The following MIOS variants were observed in gnomAD, a reference collection of about 807,000 sequenced individuals.
MIOS encodes meiosis regulator for oocyte development.
A neutral mutation model predicts 96.9 loss-of-function variants in MIOS; 52 were observed. The ratio of observed to expected loss-of-function variants is 0.54; its 90% confidence interval spans 0.43 to 0.68. The LOEUF is 0.68. Among genes scored for constraint, MIOS ranks in the 30% least tolerant of loss-of-function variants. The pLI, the probability that MIOS is intolerant of heterozygous loss-of-function variation, is 0.00. For missense variants in MIOS, 1,005 were observed against 1,052.8 expected (o/e 0.95, Z 0.63); for synonymous variants, 397 against 359.5 (o/e 1.10, Z -1.18).
chr7:7,592,052 C>T (rs995258437), intron 9 of MIOS, among the ~76,000 whole-genome samples: 51 of 151,562 alleles, frequency 3.4e-4, no homozygotes, highest in African/African-American at 1.2e-3. Flanking sequence ...ACAATATTGG[C>T]TCACTGCAAC....
chr7:7,594,050 A>G (rs1784131317), intron 9 of MIOS, among the ~76,000 whole-genome samples: 1 of 152,156 alleles, frequency 6.6e-6, no homozygotes, highest in South Asian at 2.1e-4. Flanking sequence ...AACTAAAACA[A>G]GGTGTTGCTT....
chr7:7,579,808 A>C (rs1783653167), intron 5 of MIOS, among the ~76,000 whole-genome samples: 1 of 152,196 alleles, frequency 6.6e-6, no homozygotes, highest in South Asian at 2.1e-4. Context: ...CCAGGTGTGT[A>C]GTGGGCTATG....
intron 8 of MIOS, 45 bp from the exon 9 acceptor site, chr7:7,589,360 A>G (rs1783981897): frequency 7.7e-6 from 12 of 1,563,644 alleles, no homozygotes; most frequent in South Asian, 1.2e-5. Context: ...TACAAAATAC[A>G]TAGTGAAACA....
chr7:7,573,437 G>T lies in MIOS; in HGVS notation c.962G>T (p.Cys321Phe). The T allele has an allele frequency of 1.2e-6, 2 of 1,614,122 alleles. No homozygotes were observed. Among genetic ancestry groups the T allele is most frequent in the Non-Finnish European group, 1.7e-6 (2 of 1,179,966 alleles). The change falls in exon 4 of 13, where the codon TGT (cysteine) becomes TTT (phenylalanine). Residue 321 changes from cysteine (C) to phenylalanine (F), a missense_variant. Transcript: ENST00000340080. This position sits in a 1 kb window ranked among gnomAD's most constrained non-coding sequence, Gnocchi z 5.0. The part of the protein sequence containing the change: ...PTIIERSVQP[C>F]DNYIASFAWH... ...ATAATTGAAAGAAGTGTGCAACCTT[G>T]TGACAATTACATTGCTTCCTTTGCG...
intron 11 of MIOS, among the ~76,000 whole-genome samples, chr7:7,601,862 A>G (rs1190606875): frequency 6.6e-6 from 1 of 152,206 alleles, no homozygotes; most frequent in African/African-American, 2.4e-5. Flanking sequence ...CACATCAAAA[A>G]GCTTATCCAC....
intron 11 of MIOS, among the ~76,000 whole-genome samples, chr7:7,603,956 G>C (rs575207515): frequency 6.6e-6 from 1 of 151,638 alleles, no homozygotes; most frequent in Non-Finnish European, 1.5e-5. Flanking sequence ...GCAAACTATC[G>C]CAAGGACAAA....
chr7:7,587,218 C>T (rs1468348762), intron 7 of MIOS, among the ~76,000 whole-genome samples: 1 of 151,978 alleles, frequency 6.6e-6, no homozygotes, highest in African/African-American at 2.4e-5. Context: ...TCATGTTGGC[C>T]AGAAATATCA....
chr7:7,580,210 T>A (rs1563022103), intron 5 of MIOS, among the ~76,000 whole-genome samples: 1 of 152,232 alleles, frequency 6.6e-6, no homozygotes, highest in Non-Finnish European at 1.5e-5. Flanking sequence ...ATGTTTTAAT[T>A]TTTTTAATAA....
At chr7:7,590,710 A>G (rs904897911) in intron 9 of MIOS, among the ~76,000 whole-genome samples, 1 of 151,924 alleles carries the variant, frequency 6.6e-6, no homozygotes, top group Non-Finnish European at 1.5e-5. Context: ...CTTTTTAGCT[A>G]TATCTCTTTT....
rs1472022610 is a variant in MIOS, at chr7:7,583,139, A to C, written c.1415A>C (p.His472Pro). The change falls in exon 6 of 13, where the codon CAT (histidine) becomes CCT (proline). Residue 472 changes from histidine (H) to proline (P), a missense_variant. Around this residue, in one of 3 missense-constraint regions of MIOS, gnomAD observed 865 missense variants for 887.9 expected, o/e 0.97. Transcript: ENST00000340080. ...TTAGGAATGGTGGAAAGCAGCAGACATAATTGGAGTGGGTTGGATAAGCAA... is the reference window on the plus strand; with the variant it reads ...TTAGGAATGGTGGAAAGCAGCAGACCTAATTGGAGTGGGTTGGATAAGCAA... Reference protein sequence around the residue: ...SSLGMVESSRHNWSGLDKQSD... With the variant: ...SSLGMVESSRPNWSGLDKQSD... 1.2e-6 allele frequency: 2 copies of C among 1,613,080 alleles called. No individual in the cohort carries two copies. The highest frequency in any genetic ancestry group is 2.7e-5 in the African/African-American group (2 of 74,936).
At chr7:7,588,861 A>G (rs1311336821) in intron 8 of MIOS, among the ~76,000 whole-genome samples, 3 of 152,136 alleles carry the variant, frequency 2.0e-5, no homozygotes, top group Non-Finnish European at 4.4e-5. Context: ...CATTTTTACT[A>G]CATTAAACAA....
At chr7:7,576,609 G>T (rs1368446162) in intron 5 of MIOS, among the ~76,000 whole-genome samples, 4 of 152,198 alleles carry the variant, frequency 2.6e-5, no homozygotes, top group Non-Finnish European at 5.9e-5. Flanking sequence ...GGCTAGAAAG[G>T]TAAGCAGTGG....
At chr7:7,580,974 A>G (rs917883505) in intron 5 of MIOS, among the ~76,000 whole-genome samples, 2 of 148,802 alleles carry the variant, frequency 1.3e-5, no homozygotes, top group African/African-American at 4.9e-5. Flanking sequence ...GGCATGAGCC[A>G]CGGTGCCTGG....
chr7:7,601,148 A>G (rs1040345607), intron 11 of MIOS, among the ~76,000 whole-genome samples: 7 of 152,222 alleles, frequency 4.6e-5, no homozygotes, highest in African/African-American at 1.4e-4. Context: ...TAACATCACA[A>G]TTGAAAGAAC....
intron 9 of MIOS, among the ~76,000 whole-genome samples, chr7:7,592,653 T>C (rs2115448011): frequency 6.6e-6 from 1 of 151,916 alleles, no homozygotes; most frequent in South Asian, 2.1e-4. Flanking sequence ...TCATCAGGCA[T>C]TAGATTCTCA....
chr7:7,585,533 G>A, intron 6 of MIOS, 103 bp from the exon 7 acceptor site: 1 of 1,013,948 alleles, frequency 9.9e-7, no homozygotes, highest in Non-Finnish European at 1.3e-6. Context: ...TCATTTTTCT[G>A]AGGGTAAAAG....
At chr7:7,601,965 C>T (rs1435591198) in intron 11 of MIOS, among the ~76,000 whole-genome samples, 1 of 152,070 alleles carries the variant, frequency 6.6e-6, no homozygotes, top group Non-Finnish European at 1.5e-5. Flanking sequence ...GAACCAAAGA[C>T]AAAAACCACA....
intron 11 of MIOS, among the ~76,000 whole-genome samples, chr7:7,603,829 T>G (rs1015824898): frequency 2.6e-5 from 4 of 151,860 alleles, no homozygotes; most frequent in Non-Finnish European, 5.9e-5. Context: ...CCAACAATGA[T>G]AGACTGGATT....
At chr7:7,575,536 G>A (rs1275795010) in intron 5 of MIOS, among the ~76,000 whole-genome samples, 1 of 152,010 alleles carries the variant, frequency 6.6e-6, no homozygotes, top group African/African-American at 2.4e-5. Flanking sequence ...AATGAACCTG[G>A]TACCATGGTT....
Sources: gnomAD v4.1 joint callset for allele counts (sites outside exome capture counted in the v4.1 genomes callset) on GRCh38, gnomAD v4.1.1 for gene constraint, gnomAD v4.1.1 regional missense constraint, Gnocchi (gnomAD v3.1) non-coding constraint, MANE v1.5 for transcripts, NCBI Gene and HGNC (gene_info 2026-07-23, HGNC 2026-07-21) for gene names.